Variants in CSMD1 observed in about 807,000 individuals in gnomAD.
CSMD1 encodes CUB and sushi domain-containing protein 1.
Under a neutral mutation model 417.5 loss-of-function variants are expected in CSMD1, and 213 were observed. That is an observed-to-expected ratio of 0.51 (90% CI 0.46 to 0.57). The LOEUF (loss-of-function observed/expected upper bound fraction) is 0.57. Among genes scored for constraint, CSMD1 ranks in the 20% least tolerant of loss-of-function variants. The probability of loss-of-function intolerance (pLI) is 0.00; values close to 1 mark genes in which losing one functional copy is unlikely to be tolerated. For synonymous variants in CSMD1, 2,862 were observed against 1,736.8 expected, an observed-to-expected ratio of 1.65 and a Z score of -16.11; for missense variants, 6,923 against 4,529.7, an observed-to-expected ratio of 1.53 and a Z score of -15.17.
intron 10 of CSMD1, among the ~76,000 whole-genome samples, chr8:3,536,941 G>C (rs6987089): frequency 0.03 from 4,503 of 152,296 alleles, 161 homozygotes; most frequent in African/African-American, 0.084. Flanking sequence ...AGTAGAGTCA[G>C]TATTTACTGG....
At chr8:4,319,130 G>A (rs181386092) in intron 3 of CSMD1, among the ~76,000 whole-genome samples, 22 of 152,080 alleles carry the variant, frequency 1.4e-4, no homozygotes, top group African/African-American at 4.8e-4. Context: ...TTTAAAAGCA[G>A]ATTAAATCAA....
At chr8:3,294,374 G>A (rs1422156147) in intron 25 of CSMD1, among the ~76,000 whole-genome samples, 3 of 152,356 alleles carry the variant, frequency 2.0e-5, no homozygotes, top group South Asian at 4.1e-4. Flanking sequence ...ATTTAAGTCT[G>A]CAGAGGTTTC....
chr8:4,697,033 G>C (rs568060383), intron 1 of CSMD1, among the ~76,000 whole-genome samples: 1 of 152,008 alleles, frequency 6.6e-6, no homozygotes, highest in East Asian at 1.9e-4. Context: ...TTATCTGGGC[G>C]TGGTGGTGCG....
intron 7 of CSMD1, among the ~76,000 whole-genome samples, chr8:3,627,629 G>A (rs1796560279): frequency 6.6e-6 from 1 of 152,064 alleles, no homozygotes; most frequent in African/African-American, 2.4e-5. Context: ...TGTTTATAGG[G>A]AACTATGAGA....
At chr8:3,711,738 C>T (rs1168680786) in intron 6 of CSMD1, among the ~76,000 whole-genome samples, 1 of 152,166 alleles carries the variant, frequency 6.6e-6, no homozygotes, top group African/African-American at 2.4e-5. Context: ...TCCAAAATGG[C>T]AAACGTATCA....
chr8:3,702,424 A>G (rs1800922978), intron 7 of CSMD1: 1 of 152,256 alleles, frequency 6.6e-6, no homozygotes, highest in African/African-American at 2.4e-5. Flanking sequence ...AAGGGCATCC[A>G]CAGATTATCT....
chr8:3,889,273 G>C (rs370670214), intron 5 of CSMD1, among the ~76,000 whole-genome samples: 21 of 151,490 alleles, frequency 1.4e-4, no homozygotes, highest in Admixed American at 7.9e-4. Context: ...TGTTTTTCTA[G>C]AAAGCCATTG....
At chr8:2,961,303 T>C (rs952090222) in intron 61 of CSMD1, 89 bp from the exon 62 acceptor site, 6 of 663,448 alleles carry the variant, frequency 9.0e-6, no homozygotes, top group African/African-American at 7.3e-5. Flanking sequence ...TCTCATGAAA[T>C]AGAGAAAATA....
chr8:4,800,527 G>T (rs1056744015), intron 1 of CSMD1, among the ~76,000 whole-genome samples: 1 of 152,122 alleles, frequency 6.6e-6, no homozygotes, highest in South Asian at 2.1e-4. Flanking sequence ...AAGTATTCAT[G>T]TGAGAGTGAT....
intron 12 of CSMD1, among the ~76,000 whole-genome samples, chr8:3,456,318 C>CTGCAACCACTGTCT (rs57728900): frequency 6.6e-6 from 1 of 151,526 alleles, no homozygotes; most frequent in African/African-American, 2.4e-5. Flanking sequence ...ACCCACTGTC[C>CTGCAACCACTGTCT]GACACTCCCC....
chr8:4,184,402 G>A lies in CSMD1; in HGVS notation c.416-152303C>T, dbSNP rs144907203. The stretch of plus-strand genomic sequence containing the variant: ...AGCTATTTCCAATTCTAATAATCTG[G>A]AGCATATGAGGATGTTCCTTGCGGC... On this transcript the variant is annotated intron_variant, in intron 3 of 69. Transcript: ENST00000635120. 1.5e-3 allele frequency among the ~76,000 whole-genome samples: 223 copies of A among 152,150 alleles called. 1 individual carries two copies. The highest frequency in any genetic ancestry group is 5.2e-3 in the African/African-American group (215 of 41,500).
chr8:3,687,607 G>A (rs972582894), intron 7 of CSMD1, among the ~76,000 whole-genome samples: 5 of 152,138 alleles, frequency 3.3e-5, no homozygotes, highest in Non-Finnish European at 7.4e-5. Flanking sequence ...TCTCTTTGAA[G>A]ATTTCAGTGG....
intron 1 of CSMD1, among the ~76,000 whole-genome samples, chr8:4,948,901 T>TA (rs1342966572): frequency 1.3e-5 from 2 of 152,154 alleles, no homozygotes; most frequent in Non-Finnish European, 2.9e-5. Flanking sequence ...TGTTTTTACA[T>TA]AAAAATAATG....
intron 7 of CSMD1, among the ~76,000 whole-genome samples, chr8:3,631,157 C>T (rs948025013): frequency 1.3e-5 from 2 of 152,176 alleles, no homozygotes; most frequent in Admixed American, 1.3e-4. Context: ...CCCTGTGCAC[C>T]CTGGCTAAAC....
At chr8:3,535,644 C>G (rs1798164376) in intron 10 of CSMD1, among the ~76,000 whole-genome samples, 1 of 152,186 alleles carries the variant, frequency 6.6e-6, no homozygotes, top group Non-Finnish European at 1.5e-5. Context: ...ACCCTAAAAG[C>G]TCTGTCTTAA....
intron 18 of CSMD1, among the ~76,000 whole-genome samples, chr8:3,378,697 AC>A (rs1810462160): frequency 6.6e-6 from 1 of 152,118 alleles, no homozygotes. Context: ...AAACTTCAAC[AC>A]CCCTTCATGC....
At chr8:4,922,653 T>A (rs1307069122) in intron 1 of CSMD1, among the ~76,000 whole-genome samples, 1 of 152,188 alleles carries the variant, frequency 6.6e-6, no homozygotes, top group African/African-American at 2.4e-5. Flanking sequence ...ACAGTTCACA[T>A]GGTGCAGCCT....
intron 52 of CSMD1, among the ~76,000 whole-genome samples, chr8:3,015,835 T>C (rs547787764): frequency 5.9e-5 from 9 of 152,108 alleles, no homozygotes; most frequent in African/African-American, 1.9e-4. Flanking sequence ...GCAAGACTGA[T>C]AGGCGAGAGC....
chr8:3,937,104 A>C (rs1810550280), intron 5 of CSMD1, among the ~76,000 whole-genome samples: 1 of 152,318 alleles, frequency 6.6e-6, no homozygotes, highest in South Asian at 2.1e-4. Flanking sequence ...CTGTCATAAG[A>C]TCTTAATGGA....
Sources: allele counts gnomAD v4.1 joint callset (sites outside exome capture counted in the v4.1 genomes callset), GRCh38; gene constraint gnomAD v4.1.1; transcripts MANE v1.5; gene names NCBI Gene and HGNC (gene_info 2026-07-23, HGNC 2026-07-21).